The following ATF2 variants were observed in gnomAD, a reference collection of about 807,000 sequenced individuals.
ATF2 encodes the protein cyclic AMP-dependent transcription factor ATF-2.
A neutral mutation model predicts 60.6 loss-of-function variants in ATF2; 24 were observed. The ratio of observed to expected loss-of-function variants is 0.40; its 90% CI spans 0.29 to 0.56. ATF2 has a LOEUF of 0.56. Among genes scored for constraint, ATF2 ranks in the 20% least tolerant of loss-of-function variants. The pLI is 0.54. For synonymous variants in ATF2, 206 were observed against 215.4 expected, an observed-to-expected ratio of 0.96 and a Z score of 0.38; for missense variants, 433 against 607.7, an observed-to-expected ratio of 0.71 and a Z score of 3.02.
At chr2:175,156,370 C>CAA (rs1699682634) in intron 1 of ATF2, among the ~76,000 whole-genome samples, 5 of 16,654 alleles carry the variant, frequency 3.0e-4, no homozygotes, top group Non-Finnish European at 4.4e-4. Context: ...GACTCTGTCT[C>CAA]AAAAAACAAA....
At chr2:175,115,078 G>GT (rs1553507822) in intron 7 of ATF2, among the ~76,000 whole-genome samples, 2,231 of 143,970 alleles carry the variant, frequency 0.015, 48 homozygotes, top group African/African-American at 0.049. Context: ...AAAAAGACTC[G>GT]TTTTTTTTTT....
chr2:175,148,957 A>G (rs1269685500), intron 2 of ATF2, among the ~76,000 whole-genome samples: 2 of 152,284 alleles, frequency 1.3e-5, no homozygotes, highest in East Asian at 1.9e-4. Flanking sequence ...ACCAAGCTGT[A>G]GCCCAACCAC....
At chr2:175,111,238 C>T (rs1440645334) in intron 10 of ATF2, among the ~76,000 whole-genome samples, 2 of 152,274 alleles carry the variant, frequency 1.3e-5, no homozygotes, top group South Asian at 2.1e-4. Context: ...TCATTATTAG[C>T]AGCACTGCCT....
At chr2:175,131,963 C>CA (rs1377824685) in intron 3 of ATF2, among the ~76,000 whole-genome samples, 1 of 152,054 alleles carries the variant, frequency 6.6e-6, no homozygotes, top group Non-Finnish European at 1.5e-5. Flanking sequence ...ATTTTCAAAA[C>CA]AAAAAATTTA....
chr2:175,108,469 T>C (rs1236745433), intron 10 of ATF2, among the ~76,000 whole-genome samples: 1 of 137,510 alleles, frequency 7.3e-6, no homozygotes, highest in Admixed American at 7.1e-5. Flanking sequence ...AGGTGGGGGG[T>C]CAGCCCCCGC....
chr2:175,117,897 A>G, intron 7 of ATF2, 93 bp downstream of exon 7: 1 of 1,358,466 alleles, frequency 7.4e-7, no homozygotes, highest in Non-Finnish European at 9.8e-7. Context: ...CTGACACTGA[A>G]TTTAATACAT....
At chr2:175,119,470 C>G (rs183774098) in intron 5 of ATF2, among the ~76,000 whole-genome samples, 2 of 151,474 alleles carry the variant, frequency 1.3e-5, no homozygotes, top group African/African-American at 2.4e-5. Flanking sequence ...CTTTGCCCCC[C>G]ACATGTATAC....
intron 12 of ATF2, among the ~76,000 whole-genome samples, chr2:175,091,213 G>A (rs551316141): frequency 1.1e-4 from 16 of 152,206 alleles, no homozygotes; most frequent in Admixed American, 2.0e-4. Context: ...TTTTCTGTAC[G>A]AAGAAACCCT....
intron 2 of ATF2, chr2:175,148,044 A>T (rs1230845668): frequency 1.3e-5 from 2 of 151,600 alleles, no homozygotes. Flanking sequence ...ATATTTTAGG[A>T]CCGGTAGACA....
chr2:175,080,908 A>C, intron 12 of ATF2, 143 bp from the exon 13 acceptor site: 1 of 582,666 alleles, frequency 1.7e-6, no homozygotes, highest in Admixed American at 3.1e-5. Flanking sequence ...AATATGTCTA[A>C]TCAGCACAGG....
intron 3 of ATF2, 33 bp from the exon 4 acceptor site, chr2:175,130,240 T>C (rs1358264858): frequency 5.4e-6 from 7 of 1,296,352 alleles, no homozygotes; most frequent in Non-Finnish European, 7.3e-6. Flanking sequence ...TTAGAGTACA[T>C]ATTTTAAAAT....
intron 1 of ATF2, among the ~76,000 whole-genome samples, chr2:175,166,994 T>A (rs972170131): frequency 1.3e-5 from 2 of 152,122 alleles, no homozygotes; most frequent in African/African-American, 4.8e-5. Context: ...TTAAAATAGG[T>A]GTTGAATTTT....
At chr2:175,078,940 T>G (rs1693563721) in intron 13 of ATF2, among the ~76,000 whole-genome samples, 2 of 152,296 alleles carry the variant, frequency 1.3e-5, no homozygotes, top group South Asian at 4.1e-4. Context: ...ATATTTCAGT[T>G]AATTTGATTA....
At chr2:175,163,978 T>C (rs866340569) in intron 1 of ATF2, among the ~76,000 whole-genome samples, 2 of 107,418 alleles carry the variant, frequency 1.9e-5, no homozygotes, top group South Asian at 5.9e-4. Context: ...CCAACAAGAA[T>C]AAATTGAAAA....
chr2:175,074,958 T>C, intron 13 of ATF2, 123 bp from the exon 14 acceptor site: 2 of 1,527,120 alleles, frequency 1.3e-6, no homozygotes, highest in Non-Finnish European at 1.8e-6. Context: ...GACAAGTTGG[T>C]ATTACAGCAA....
intron 2 of ATF2, among the ~76,000 whole-genome samples, chr2:175,141,529 G>A (rs1698534655): frequency 6.6e-6 from 1 of 151,806 alleles, no homozygotes; most frequent in Non-Finnish European, 1.5e-5. Context: ...GTCTCGCTCT[G>A]TCGTCCAGGC....
intron 1 of ATF2, among the ~76,000 whole-genome samples, chr2:175,166,907 T>A (rs1372144149): frequency 6.6e-6 from 1 of 152,232 alleles, no homozygotes; most frequent in African/African-American, 2.4e-5. Flanking sequence ...GTCAATCCCT[T>A]AGTACCAGTT....
At chr2:175,159,202 C>T (rs1252288210) in intron 1 of ATF2, among the ~76,000 whole-genome samples, 1 of 151,972 alleles carries the variant, frequency 6.6e-6, no homozygotes, top group Non-Finnish European at 1.5e-5. Flanking sequence ...GACTATAGTT[C>T]CAGCTGCTCA....
chr2:175,128,125 G>A (rs988373738), intron 4 of ATF2, among the ~76,000 whole-genome samples: 1 of 152,182 alleles, frequency 6.6e-6, no homozygotes, highest in Non-Finnish European at 1.5e-5. Flanking sequence ...TTTCATTAAA[G>A]GAGCCAAAGC....
Sources: allele counts gnomAD v4.1 joint callset (sites outside exome capture counted in the v4.1 genomes callset), GRCh38; gene constraint gnomAD v4.1.1; transcripts MANE v1.5; gene names NCBI Gene and HGNC (gene_info 2026-07-23, HGNC 2026-07-21).